The following UBE2QL1 variants were observed in gnomAD, a reference collection of about 807,000 sequenced individuals.
UBE2QL1 encodes ubiquitin-conjugating enzyme E2Q-like protein 1.
A neutral mutation model predicts 12.6 loss-of-function variants in UBE2QL1; 5 were observed. The observed-to-expected ratio is 0.40, with a 90% confidence interval of 0.21 to 0.83. UBE2QL1 has a LOEUF of 0.83. Among genes scored for constraint, UBE2QL1 ranks in the 40% least tolerant of loss-of-function variants. UBE2QL1 has a pLI of 0.37. For missense variants in UBE2QL1, 99 were observed against 222.6 expected (o/e 0.44, Z 3.53); for synonymous variants, 96 against 94.5 (o/e 1.02, Z -0.10).
chr5:6,451,671 T>C (rs1191606321), intron 1 of UBE2QL1, among the ~76,000 whole-genome samples: 2 of 152,204 alleles, frequency 1.3e-5, no homozygotes, highest in Non-Finnish European at 2.9e-5. Flanking sequence ...GAGAGGGTAA[T>C]GTGTGGCATA....
At chr5:6,489,424 T>TAA in intron 1 of UBE2QL1, among the ~76,000 whole-genome samples, 1 of 108,510 alleles carries the variant, frequency 9.2e-6, no homozygotes, top group Non-Finnish European at 1.7e-5. Context: ...ATCCTGTCTG[T>TAA]AAAAAAAAAA....
At chr5:6,474,187 G>A (rs1022186250) in intron 1 of UBE2QL1, among the ~76,000 whole-genome samples, 6 of 152,264 alleles carry the variant, frequency 3.9e-5, no homozygotes, top group Non-Finnish European at 8.8e-5. Context: ...GCCTGTGCAC[G>A]TGGTGTGTAG....
rs1734225810 is a variant in UBE2QL1 at position 6,476,095 on chromosome 5, C to CT, written c.355-15122dup. Among the ~76,000 whole-genome samples, 1 of 152,088 alleles carries CT rather than the reference C, an allele frequency of 6.6e-6. No individual in the cohort carries two copies. The highest frequency in any genetic ancestry group is 2.4e-5 in the African/African-American group (1 of 41,406). On this transcript the variant is annotated intron_variant, in intron 1 of 1. Coordinates refer to ENST00000399816, the MANE Select transcript of UBE2QL1 (RefSeq NM_001145161.3). This position sits in a 1 kb window ranked among gnomAD's most constrained non-coding sequence, Gnocchi z 4.9. ...ACTTCAAAATCAGGGTGGGGTATGC[C>CT]TGCTTAGTCATGGATGAGTATCTGG...
chr5:6,454,419 C>G (rs1392467393), intron 1 of UBE2QL1, among the ~76,000 whole-genome samples: 21 of 152,130 alleles, frequency 1.4e-4, no homozygotes, highest in Admixed American at 1.2e-3. Context: ...GGCCCATCCT[C>G]CTGACCTGAC....
At chr5:6,471,062 A>T (rs1392272155) in intron 1 of UBE2QL1, among the ~76,000 whole-genome samples, 2 of 152,162 alleles carry the variant, frequency 1.3e-5, no homozygotes, top group African/African-American at 4.8e-5. Flanking sequence ...AGCATCTTTC[A>T]TACAGTTGGG....
intron 1 of UBE2QL1, among the ~76,000 whole-genome samples, chr5:6,454,500 G>A (rs1739476196): frequency 6.6e-6 from 1 of 152,162 alleles, no homozygotes; most frequent in African/African-American, 2.4e-5. Flanking sequence ...TGGGTTAGGG[G>A]TTCACCATGT....
intron 1 of UBE2QL1, among the ~76,000 whole-genome samples, chr5:6,466,705 G>A (rs972410629): frequency 1.3e-5 from 2 of 152,256 alleles, no homozygotes; most frequent in Non-Finnish European, 2.9e-5. Flanking sequence ...AGCCAGGGCC[G>A]TCAAAAGGCT....
intron 1 of UBE2QL1, among the ~76,000 whole-genome samples, chr5:6,484,206 G>A (rs1016381611): frequency 4.6e-5 from 7 of 152,204 alleles, no homozygotes; most frequent in Non-Finnish European, 7.3e-5. Flanking sequence ...AACAGGGAGC[G>A]CAGAAGCCTG....
intron 1 of UBE2QL1, among the ~76,000 whole-genome samples, chr5:6,463,697 G>A (rs767909443): frequency 3.2e-4 from 47 of 146,462 alleles, no homozygotes; most frequent in Non-Finnish European, 4.8e-4. Flanking sequence ...GCGCGATCTC[G>A]GCTCACTGCA....
rs552364901 is a variant in UBE2QL1 at position 6,459,509 on chromosome 5, G to C, written c.354+10262G>C. Among the ~76,000 whole-genome samples, 128 of 152,208 alleles carry C rather than the reference G, an allele frequency of 8.4e-4. 4 individuals carry two copies. The South Asian group carries it at 0.026, about 31-fold the overall frequency. On this transcript the variant is annotated intron_variant, in intron 1 of 1. Transcript: ENST00000399816. ...GCCACCTGGAGGACTGCATGGCCTC[G>C]AGGTGTCTGGGGACACCTGCAGACT...
At chr5:6,452,839 G>A (rs1275233593) in intron 1 of UBE2QL1, among the ~76,000 whole-genome samples, 4 of 152,308 alleles carry the variant, frequency 2.6e-5, no homozygotes, top group African/African-American at 9.6e-5. Flanking sequence ...CAGGGACCTT[G>A]TTCTGTCAGT....
intron 1 of UBE2QL1, among the ~76,000 whole-genome samples, chr5:6,487,818 A>G (rs1338074906): frequency 6.6e-6 from 1 of 152,224 alleles, no homozygotes; most frequent in Non-Finnish European, 1.5e-5. Flanking sequence ...GTATCCTGGA[A>G]GGATGAATGG....
chr5:6,454,053 T>C (rs569924008), intron 1 of UBE2QL1, among the ~76,000 whole-genome samples: 12 of 152,134 alleles, frequency 7.9e-5, no homozygotes, highest in African/African-American at 2.7e-4. Flanking sequence ...GCTAATTTTG[T>C]TTATTTTTTG....
rs1042837262 is a variant in UBE2QL1 at position 6,476,656 on chromosome 5, C to A, written c.355-14562C>A. Among the ~76,000 whole-genome samples the A allele has an allele frequency of 2.0e-5, 3 of 152,162 alleles. No individual in the cohort carries two copies. Among genetic ancestry groups the A allele is most frequent in the African/African-American group, 7.2e-5 (3 of 41,444 alleles). On this transcript the variant is annotated intron_variant, in intron 1 of 1. Coordinates refer to ENST00000399816, the MANE Select transcript of UBE2QL1 (RefSeq NM_001145161.3). The surrounding 1 kb of genome is among the most constrained non-coding windows in gnomAD (Gnocchi z 4.9). ...GCTGCAGAAAGCAAAGCACACTCTG[C>A]GAATGCATGGCAGGTTTGGGGCAGT...
intron 1 of UBE2QL1, among the ~76,000 whole-genome samples, chr5:6,458,797 CTG>C (rs1299315542): frequency 1.3e-5 from 2 of 152,216 alleles, no homozygotes; most frequent in African/African-American, 4.8e-5. Context: ...CTTAAATTAA[CTG>C]TAACTAGTTG....
At position 6,481,456 on chromosome 5, in the gene UBE2QL1, G is replaced by A. The variant is rs914761161; in HGVS notation, c.355-9762G>A. 6.6e-6 allele frequency among the ~76,000 whole-genome samples: 1 copy of A among 152,192 alleles called. No individual in the cohort carries two copies. The highest frequency in any genetic ancestry group is 1.5e-5 in the Non-Finnish European group (1 of 68,034). On this transcript the variant is annotated intron_variant, in intron 1 of 1. Transcript: ENST00000399816. The surrounding 1 kb of genome is among the most constrained non-coding windows in gnomAD (Gnocchi z 4.5). ...CTCACGGGCCTATGGCTAGAGAGCAGAGAGGGGGCACGCTCCCCTCCCCGC... is the reference window on the plus strand; with the variant it reads ...CTCACGGGCCTATGGCTAGAGAGCAAAGAGGGGGCACGCTCCCCTCCCCGC...
At chr5:6,465,682 T>C (rs972917524) in intron 1 of UBE2QL1, among the ~76,000 whole-genome samples, 1 of 152,066 alleles carries the variant, frequency 6.6e-6, no homozygotes, top group African/African-American at 2.4e-5. Context: ...AGCTGCTCTG[T>C]GTCCTGGAAA....
At position 6,449,061 on chromosome 5, in the gene UBE2QL1, C is replaced by T. The variant is rs1335945097; in HGVS notation, c.168C>T (p.Leu56=). Residue 56 remains leucine, a synonymous_variant, in exon 1 of 2, where the codon CTC becomes CTT. Coordinates refer to ENST00000399816, the MANE Select transcript of UBE2QL1 (RefSeq NM_001145161.3). ...ACACCGAGTTCATCCTGCTCAACCT[C>T]ACCTTCCCCGACAACTTCCCCTTCT... ...ETNTEFILLN[L]TFPDNFPFSP... 6.5e-7 allele frequency: 1 copy of T among 1,548,868 alleles called. No individual in the cohort carries two copies. Among genetic ancestry groups the T allele is most frequent in the Non-Finnish European group, 8.7e-7 (1 of 1,145,814 alleles).
At position 6,458,028 on chromosome 5, in the gene UBE2QL1, T is replaced by C. The variant is rs530084336; in HGVS notation, c.354+8781T>C. ...CAAAATCGATGAATGTGTTAATTGC[T>C]TCAAACCGTAGGAGAAAGATAATTA... is the stretch of plus-strand genomic sequence containing the variant. On this transcript the variant is annotated intron_variant, in intron 1 of 1. Coordinates refer to ENST00000399816, the MANE Select transcript of UBE2QL1 (RefSeq NM_001145161.3). 5.9e-5 allele frequency among the ~76,000 whole-genome samples: 9 copies of C among 152,358 alleles called. No homozygotes were observed. The East Asian group carries it at 1.7e-3, about 29-fold the overall frequency.
Sources: allele counts gnomAD v4.1 joint callset (sites outside exome capture counted in the v4.1 genomes callset), GRCh38; gene constraint gnomAD v4.1.1; non-coding constraint Gnocchi (gnomAD v3.1); transcripts MANE v1.5; gene names NCBI Gene and HGNC (gene_info 2026-07-23, HGNC 2026-07-21).